Variants in KIF6 observed in about 807,000 individuals in gnomAD.
KIF6 encodes kinesin-like protein KIF6.
In KIF6, 106 loss-of-function variants were observed where a neutral mutation model predicts 112.7. The ratio of observed to expected loss-of-function variants is 0.94; its 90% CI spans 0.80 to 1.11. The LOEUF (loss-of-function observed/expected upper bound fraction) is 1.11, where lower values mean the gene tolerates loss of function less well. Ranked by LOEUF, KIF6 falls within the 50% of genes least tolerant of loss-of-function variation. The pLI is 0.00. For missense variants in KIF6, 929 were observed against 964.0 expected (o/e 0.96, Z 0.48); for synonymous variants, 339 against 339.9 (o/e 1.00, Z 0.03).
At chr6:39,337,127 T>C (rs1210800807) in intron 22 of KIF6, among the ~76,000 whole-genome samples, 20 of 116,482 alleles carry the variant, frequency 1.7e-4, no homozygotes, top group East Asian at 1.2e-3. Context: ...TTTCTTTCTT[T>C]CCTCCTTCCT....
intron 10 of KIF6, chr6:39,554,619 C>T (rs898933099): frequency 6.5e-6 from 1 of 153,230 alleles, no homozygotes; most frequent in Non-Finnish European, 1.5e-5. Flanking sequence ...AGACACTGGC[C>T]CCCTGCAGTC....
At chr6:39,364,379 A>G (rs1765400483) in intron 16 of KIF6, among the ~76,000 whole-genome samples, 1 of 152,038 alleles carries the variant, frequency 6.6e-6, no homozygotes, top group Non-Finnish European at 1.5e-5. Flanking sequence ...TCGGCCTCCT[A>G]AAGTGTTGGG....
In KIF6 at chr6:39,431,030, G is replaced by C. The variant is rs755074535; in HGVS notation, c.1754+23C>G. 8 of 1,499,504 alleles carry C rather than the reference G, an allele frequency of 5.3e-6. No individual in the cohort carries two copies. In the Admixed American group the frequency reaches 1.4e-4, roughly 25 times the overall value. 92.9% of individuals were successfully genotyped at this position (1,499,504 alleles called of 1,614,324 possible). A position where few individuals can be genotyped will look rare whatever the true frequency, so the allele number is the denominator to read the frequency against. On this transcript the variant is annotated intron_variant, in intron 14 of 22. Transcript: ENST00000287152. ...GGCCTGGCTGAGCCTCGGAGGACCA[G>C]CTGCTCTCTGAGACAGCCTTACCTC...
chr6:39,488,998 G>C (rs1422119964), intron 13 of KIF6, among the ~76,000 whole-genome samples: 3 of 152,160 alleles, frequency 2.0e-5, no homozygotes, highest in African/African-American at 7.2e-5. Flanking sequence ...GCAGCCATCT[G>C]ATGTCTGACT....
chr6:39,407,889 T>C (rs1414536753), intron 15 of KIF6, among the ~76,000 whole-genome samples: 1 of 152,114 alleles, frequency 6.6e-6, no homozygotes, highest in Admixed American at 6.5e-5. Context: ...TATAGTGAGG[T>C]AGAGTCAGTA....
rs114950870 is a variant in KIF6 at position 39,549,422 on chromosome 6, T to C, written c.1182-3734A>G. On this transcript the variant is annotated intron_variant, in intron 10 of 22. Coordinates refer to ENST00000287152, the MANE Select transcript of KIF6 (RefSeq NM_145027.6). ...ACAACAACCCATGAGAAAAGTGCTATTATTATCCCCATGTCATAGGTGAGG... is the reference window on the plus strand; with the variant it reads ...ACAACAACCCATGAGAAAAGTGCTACTATTATCCCCATGTCATAGGTGAGG... Among the ~76,000 whole-genome samples, 738 of 152,338 alleles carry C rather than the reference T, an allele frequency of 4.8e-3. 5 individuals carry two copies. Among genetic ancestry groups the C allele is most frequent in the African/African-American group, 0.017 (688 of 41,580 alleles).
intron 6 of KIF6, among the ~76,000 whole-genome samples, chr6:39,597,007 T>C (rs1186648135): frequency 6.6e-6 from 1 of 152,124 alleles, no homozygotes; most frequent in Non-Finnish European, 1.5e-5. Context: ...ATGAATTTTC[T>C]AAAGGATATG....
At chr6:39,721,130 A>G (rs975323680) in intron 1 of KIF6, among the ~76,000 whole-genome samples, 16 of 152,202 alleles carry the variant, frequency 1.1e-4, no homozygotes, top group African/African-American at 2.4e-4. Context: ...GCAACATTTT[A>G]TCTAAGTATT....
chr6:39,370,297 T>C (rs1765870051), intron 16 of KIF6, among the ~76,000 whole-genome samples: 1 of 152,198 alleles, frequency 6.6e-6, no homozygotes, highest in African/African-American at 2.4e-5. Context: ...CAGTTTTTCT[T>C]GCACCTATAA....
At position 39,532,140 on chromosome 6, in the gene KIF6, G is replaced by C. The variant is rs62403277; in HGVS notation, c.1645+7863C>G. Among the ~76,000 whole-genome samples the C allele has an allele frequency of 3.9e-3, 592 of 152,232 alleles. 2 individuals are homozygous for C. The highest frequency in any genetic ancestry group is 6.3e-3 in the Non-Finnish European group (431 of 68,024). ...CTCAGTAATACAGACGTGTACTTCTGTAATCGATTGTTCAGTGGCTGTCTT... is the reference window on the plus strand; with the variant it reads ...CTCAGTAATACAGACGTGTACTTCTCTAATCGATTGTTCAGTGGCTGTCTT... On this transcript the variant is annotated intron_variant, in intron 13 of 22. Transcript: ENST00000287152.
intron 13 of KIF6, among the ~76,000 whole-genome samples, chr6:39,528,397 A>G (rs1304774997): frequency 6.6e-6 from 1 of 152,212 alleles, no homozygotes; most frequent in Non-Finnish European, 1.5e-5. Context: ...TCACTTGGCT[A>G]CTGTAAATAA....
intron 13 of KIF6, among the ~76,000 whole-genome samples, chr6:39,527,732 C>T (rs1363960945): frequency 2.6e-5 from 4 of 152,214 alleles, no homozygotes; most frequent in Non-Finnish European, 5.9e-5. Context: ...CTGCACACCT[C>T]CAAAGCTCTG....
chr6:39,383,457 A>G (rs1043057254), intron 16 of KIF6, among the ~76,000 whole-genome samples: 1 of 152,034 alleles, frequency 6.6e-6, no homozygotes, highest in African/African-American at 2.4e-5. Context: ...TTTGTTGGAG[A>G]TCAGTTGGTT....
intron 16 of KIF6, among the ~76,000 whole-genome samples, chr6:39,369,852 G>A (rs187908399): frequency 9.1e-4 from 139 of 152,196 alleles, no homozygotes; most frequent in Non-Finnish European, 1.7e-3. Context: ...CTCTCTCCAC[G>A]ACTCCTTCTG....
At chr6:39,586,005 A>C (rs1054089415) in intron 8 of KIF6, among the ~76,000 whole-genome samples, 3 of 152,224 alleles carry the variant, frequency 2.0e-5, no homozygotes, top group African/African-American at 7.2e-5. Context: ...TAGGCCTTCC[A>C]AAATCTGTGT....
chr6:39,631,319 A>G (rs1005054306), intron 5 of KIF6, among the ~76,000 whole-genome samples: 49 of 151,798 alleles, frequency 3.2e-4, no homozygotes, highest in Non-Finnish European at 1.0e-4. Flanking sequence ...TTTCCATACT[A>G]TATTGAAGAA....
At chr6:39,583,551 G>A in intron 9 of KIF6, 1 of 462,774 alleles carries the variant, frequency 2.2e-6, no homozygotes, top group South Asian at 1.6e-5. Flanking sequence ...CCTTCCATGG[G>A]GAGAAAGAGG....
At chr6:39,464,410 A>G (rs1411862155) in intron 13 of KIF6, among the ~76,000 whole-genome samples, 1 of 152,192 alleles carries the variant, frequency 6.6e-6, no homozygotes, top group East Asian at 1.9e-4. Context: ...TCTCAATTAG[A>G]TCAATGTCTG....
chr6:39,509,928 G>A (rs1284838945), intron 13 of KIF6, among the ~76,000 whole-genome samples: 2 of 152,054 alleles, frequency 1.3e-5, no homozygotes, highest in Non-Finnish European at 2.9e-5. Flanking sequence ...ACATATAATT[G>A]TCAGATTCAC....
Sources: gnomAD v4.1 joint callset for allele counts (sites outside exome capture counted in the v4.1 genomes callset) on GRCh38, gnomAD v4.1.1 for gene constraint, MANE v1.5 for transcripts, NCBI Gene and HGNC (gene_info 2026-07-23, HGNC 2026-07-21) for gene names.